The following FAF1 variants were observed in gnomAD, a reference collection of about 807,000 sequenced individuals.
FAF1 encodes Fas associated factor 1.
A neutral mutation model predicts 92.5 loss-of-function variants in FAF1; 25 were observed. The observed-to-expected ratio is 0.27, with a 90% confidence interval of 0.20 to 0.38. The LOEUF (loss-of-function observed/expected upper bound fraction) is 0.38, where lower values mean the gene tolerates loss of function less well. FAF1 is among the 10% of genes least tolerant of loss of function. The pLI, the probability that FAF1 is intolerant of heterozygous loss-of-function variation, is 1.00. For missense variants in FAF1, 636 were observed against 793.3 expected (o/e 0.80, Z 2.38); for synonymous variants, 234 against 273.2 (o/e 0.86, Z 1.42).
At chr1:50,885,429 A>G (rs929554484) in intron 1 of FAF1, among the ~76,000 whole-genome samples, 9 of 151,830 alleles carry the variant, frequency 5.9e-5, no homozygotes, top group African/African-American at 2.2e-4. Context: ...TGAGCCCTTT[A>G]TCATTATACA....
intron 2 of FAF1, among the ~76,000 whole-genome samples, chr1:50,833,410 G>T (rs186301805): frequency 6.6e-6 from 1 of 151,968 alleles, no homozygotes; most frequent in East Asian, 1.9e-4. Flanking sequence ...TGTGGGGGCG[G>T]GTGTGTGGGA....
Position 50,588,150 on chromosome 1 carries a change from G to A in FAF1, c.841-3339C>T, listed in dbSNP as rs1011942185. On this transcript the variant is annotated intron_variant, in intron 9 of 18. Transcript: ENST00000396153. ...AAAAACACAAAAATTAGCCTGGTGC[G>A]GTGGCAGACGCCTGTAATCCCAGCT... 2.6e-5 allele frequency among the ~76,000 whole-genome samples: 4 copies of A among 152,086 alleles called. No individual in the cohort carries two copies. In the East Asian group the frequency reaches 5.8e-4, roughly 22 times the overall value.
At chr1:50,666,219 C>T (rs1655627374) in intron 7 of FAF1, among the ~76,000 whole-genome samples, 1 of 151,818 alleles carries the variant, frequency 6.6e-6, no homozygotes, top group Non-Finnish European at 1.5e-5. Flanking sequence ...CGGCTGGACA[C>T]TTTTTTTGTG....
At chr1:50,566,781 G>A (rs1205968464) in intron 13 of FAF1, among the ~76,000 whole-genome samples, 1 of 151,908 alleles carries the variant, frequency 6.6e-6, no homozygotes, top group Non-Finnish European at 1.5e-5. Context: ...AAAACATCAG[G>A]TTTCTCTAAA....
intron 9 of FAF1, among the ~76,000 whole-genome samples, chr1:50,592,388 T>C (rs2124065382): frequency 6.6e-6 from 1 of 152,110 alleles, no homozygotes; most frequent in East Asian, 1.9e-4. Context: ...CCCAAGCAAC[T>C]GAGGATAAAT....
At chr1:50,599,741 G>A (rs926987502) in intron 8 of FAF1, among the ~76,000 whole-genome samples, 2 of 152,130 alleles carry the variant, frequency 1.3e-5, no homozygotes, top group African/African-American at 4.8e-5. Context: ...GTTATATGCT[G>A]AATCAGCCAC....
intron 2 of FAF1, among the ~76,000 whole-genome samples, chr1:50,820,181 G>GT (rs980959767): frequency 6.6e-6 from 1 of 152,056 alleles, no homozygotes; most frequent in African/African-American, 2.4e-5. Context: ...TGGAGTTGCA[G>GT]TTTTGCAAGA....
rs565514640 is a variant in FAF1 at position 50,581,015 on chromosome 1, T to C, written c.1113+1603A>G. ...ATCTTGAACTCCTGAGCTCAAGTGA[T>C]CCACTCGCCGTGGCTTCCCAAAGTG... On this transcript the variant is annotated intron_variant, in intron 12 of 18. Coordinates refer to ENST00000396153, the MANE Select transcript of FAF1 (RefSeq NM_007051.3). Among the ~76,000 whole-genome samples the C allele has an allele frequency of 3.9e-5, 6 of 152,186 alleles. No individual in the cohort carries two copies. The South Asian group carries it at 1.0e-3, about 26-fold the overall frequency.
intron 2 of FAF1, among the ~76,000 whole-genome samples, chr1:50,829,316 T>C (rs1030061394): frequency 4.6e-5 from 7 of 152,222 alleles, no homozygotes; most frequent in Non-Finnish European, 8.8e-5. Context: ...CCAGGCCAAA[T>C]TGAAGGGTCT....
At chr1:50,885,905 C>A (rs1340700605) in intron 1 of FAF1, among the ~76,000 whole-genome samples, 2 of 151,928 alleles carry the variant, frequency 1.3e-5, no homozygotes, top group Non-Finnish European at 2.9e-5. Context: ...ATCTTATAAC[C>A]CATTATCTTA....
chr1:50,701,393 C>T (rs903854038), intron 7 of FAF1, among the ~76,000 whole-genome samples: 5 of 133,170 alleles, frequency 3.8e-5, no homozygotes, highest in Non-Finnish European at 8.3e-5. Context: ...GAAAACAAAA[C>T]AAACAAACCA....
intron 1 of FAF1, among the ~76,000 whole-genome samples, chr1:50,936,601 G>A (rs969876951): frequency 1.3e-5 from 2 of 152,166 alleles, no homozygotes; most frequent in Admixed American, 6.5e-5. Context: ...CAGTGAACTC[G>A]ACCTTCATTC....
chr1:50,637,401 C>G (rs997721672), intron 8 of FAF1, among the ~76,000 whole-genome samples: 1 of 150,578 alleles, frequency 6.6e-6, no homozygotes, highest in African/African-American at 2.4e-5. Context: ...TGCAGTGAGC[C>G]AAGATCGCGC....
rs576283148 is a variant in FAF1 at position 50,865,186 on chromosome 1, C to T, written c.46-7189G>A. ...TGGCGATCATTAAAAAGTCAGGAAA[C>T]GACAGGTGCTGGAGAGGATGTGGAG... On this transcript the variant is annotated intron_variant, in intron 1 of 18. Transcript: ENST00000396153. Among the ~76,000 whole-genome samples the T allele has an allele frequency of 2.8e-3, 433 of 152,178 alleles. 4 individuals are homozygous for T. The highest frequency in any genetic ancestry group is 9.9e-3 in the African/African-American group (410 of 41,494).
chr1:50,937,085 T>C (rs1645090955), intron 1 of FAF1, among the ~76,000 whole-genome samples: 1 of 152,020 alleles, frequency 6.6e-6, no homozygotes, highest in Admixed American at 6.6e-5. Context: ...ATTCAAATGA[T>C]TGAATTTAGG....
chr1:50,583,258 A>C lies in FAF1; in HGVS notation c.1031+394T>G, dbSNP rs886487437. Among the ~76,000 whole-genome samples, 8 of 151,856 alleles carry C rather than the reference A, an allele frequency of 5.3e-5. No homozygotes were observed. Among genetic ancestry groups the C allele is most frequent in the Non-Finnish European group, 1.0e-4 (7 of 67,840 alleles). ...AATGTAAAGCAATTCCAAAAGAAAA[A>C]AATAAAGGAAAAAATTCACTTGGAT... On this transcript the variant is annotated intron_variant, in intron 11 of 18. Transcript: ENST00000396153. The surrounding 1 kb of genome is among the most constrained non-coding windows in gnomAD (Gnocchi z 4.2).
intron 8 of FAF1, among the ~76,000 whole-genome samples, chr1:50,605,310 A>C (rs1308080740): frequency 6.6e-6 from 1 of 152,190 alleles, no homozygotes; most frequent in Non-Finnish European, 1.5e-5. Flanking sequence ...TGAGTACACT[A>C]GAAGAGGTTC....
At chr1:50,469,359 C>T (rs17106219) in intron 18 of FAF1, 23,854 of 152,138 alleles carry the variant, frequency 0.16, 2,793 homozygotes, top group African/African-American at 0.33. Context: ...TCTTGGTATC[C>T]CCCAAAGCTG....
intron 1 of FAF1, among the ~76,000 whole-genome samples, chr1:50,863,940 A>G (rs1275150543): frequency 1.3e-5 from 2 of 151,974 alleles, no homozygotes; most frequent in African/African-American, 4.8e-5. Flanking sequence ...GGGAGAGTGT[A>G]TGTGTCGAGG....
Sources: gnomAD v4.1 joint callset for allele counts (sites outside exome capture counted in the v4.1 genomes callset) on GRCh38, gnomAD v4.1.1 for gene constraint, Gnocchi (gnomAD v3.1) non-coding constraint, MANE v1.5 for transcripts, NCBI Gene and HGNC (gene_info 2026-07-23, HGNC 2026-07-21) for gene names.